The following JADE1 variants were observed in gnomAD, a reference collection of about 807,000 sequenced individuals.
JADE1 encodes protein Jade-1.
A neutral mutation model predicts 81.8 loss-of-function variants in JADE1; 14 were observed. That is an observed-to-expected ratio of 0.17 (90% CI 0.11 to 0.27). The LOEUF (loss-of-function observed/expected upper bound fraction) is 0.27, where lower values mean the gene tolerates loss of function less well. Ranked by LOEUF, JADE1 falls within the 10% of genes least tolerant of loss-of-function variation. The pLI is 1.00. For missense variants in JADE1, 690 were observed against 1,047.9 expected, an observed-to-expected ratio of 0.66 and a Z score of 4.71; for synonymous variants, 353 against 391.9, an observed-to-expected ratio of 0.90 and a Z score of 1.17.
chr4:128,851,020 T>G (rs1020629040), intron 5 of JADE1, among the ~76,000 whole-genome samples: 1 of 152,138 alleles, frequency 6.6e-6, no homozygotes, highest in African/African-American at 2.4e-5. Flanking sequence ...AACCTCTACC[T>G]CCTGAGTTCA....
intron 2 of JADE1, among the ~76,000 whole-genome samples, chr4:128,840,504 C>T (rs1729342212): frequency 6.6e-6 from 1 of 152,194 alleles, no homozygotes; most frequent in African/African-American, 2.4e-5. Flanking sequence ...CTTCCCCAGA[C>T]CTTCTGATAA....
At chr4:128,862,738 CTT>C in intron 9 of JADE1, 1 of 1,004,050 alleles carries the variant, frequency 1.0e-6, no homozygotes, top group Non-Finnish European at 1.2e-6. Context: ...CTGGCCCCCA[CTT>C]TGTTTCTTGG....
At chr4:128,856,400 G>A (rs1326248099) in intron 7 of JADE1, among the ~76,000 whole-genome samples, 3 of 152,112 alleles carry the variant, frequency 2.0e-5, no homozygotes, top group African/African-American at 7.2e-5. Flanking sequence ...TTCCCATCGC[G>A]ACTCTCACTC....
At chr4:128,825,752 T>C (rs749044599) in intron 1 of JADE1, among the ~76,000 whole-genome samples, 29 of 152,232 alleles carry the variant, frequency 1.9e-4, no homozygotes, top group Non-Finnish European at 2.9e-5. Context: ...CCTCAAATTA[T>C]TATGTTAGCT....
intron 1 of JADE1, among the ~76,000 whole-genome samples, chr4:128,811,689 A>T (rs1275924726): frequency 6.9e-6 from 1 of 145,872 alleles, no homozygotes; most frequent in African/African-American, 2.5e-5. Flanking sequence ...CGCCCCGCAC[A>T]AAGCCCGCGG....
chr4:128,846,289 C>A lies in JADE1; in HGVS notation c.139-86C>A. On this transcript the variant is annotated intron_variant, in intron 3 of 10. Transcript: ENST00000226319. This position sits in a 1 kb window ranked among gnomAD's most constrained non-coding sequence, Gnocchi z 4.0. ...TTGATACAGTGACCTTGTTACATGG[C>A]AGCTCCATGGTTACATTGCAGCTGC... 2.3e-6 allele frequency: 3 copies of A among 1,319,634 alleles called. No homozygotes were observed. The highest frequency in any genetic ancestry group is 1.4e-5 in the African/African-American group (1 of 69,148). The allele number at this position is 1,319,634 out of a possible 1,614,324, so 81.7% of individuals were successfully genotyped here.
At chr4:128,836,939 G>T (rs1010213792) in intron 2 of JADE1, among the ~76,000 whole-genome samples, 7 of 152,026 alleles carry the variant, frequency 4.6e-5, no homozygotes, top group African/African-American at 1.7e-4. Context: ...TGTTGGTTTT[G>T]GTTGTTCTTA....
chr4:128,826,020 C>T (rs1728029683), intron 1 of JADE1, among the ~76,000 whole-genome samples: 1 of 152,210 alleles, frequency 6.6e-6, no homozygotes, highest in African/African-American at 2.4e-5. Flanking sequence ...AGGCAGTGTT[C>T]TGTTTTTAAT....
intron 3 of JADE1, 54 bp downstream of exon 3, chr4:128,843,092 C>A: frequency 1.4e-6 from 2 of 1,417,866 alleles, no homozygotes; most frequent in South Asian, 1.2e-5. Flanking sequence ...TCCCATATGC[C>A]TAGTTGAGTG....
At chr4:128,861,049 C>T (rs1579226502) in intron 8 of JADE1, among the ~76,000 whole-genome samples, 1 of 152,166 alleles carries the variant, frequency 6.6e-6, no homozygotes, top group Non-Finnish European at 1.5e-5. Context: ...CATTTTCTCA[C>T]TCGTGTTGGG....
At chr4:128,841,891 AGTT>A (rs1264369399) in intron 2 of JADE1, among the ~76,000 whole-genome samples, 1 of 152,078 alleles carries the variant, frequency 6.6e-6, no homozygotes. Context: ...GGCAGGATGG[AGTT>A]GTTGGTGCTG....
rs1365197713 is a variant in JADE1, at chr4:128,872,665, G to GTACC, written c.*404_*407dup. The GTACC allele has an allele frequency of 7.5e-6, 2 of 264,950 alleles. No individual in the cohort carries two copies. Among genetic ancestry groups the GTACC allele is most frequent in the African/African-American group, 4.4e-5 (2 of 45,274 alleles). The allele number at this position is 264,950 out of a possible 1,614,324, so 16.4% of individuals were successfully genotyped here. Reference sequence around the variant, plus strand: ...ATATGGTTCTTGAGAAACCCTCATGGTACCATTCACAGCCCATAAAGTTTA... The same window carrying GTACC: ...ATATGGTTCTTGAGAAACCCTCATGGTACCTACCATTCACAGCCCATAAAGTTTA... On this transcript the variant is annotated 3_prime_UTR_variant, in exon 11 of 11. Transcript: ENST00000226319.
chr4:128,809,809 G>C lies in JADE1; in HGVS notation c.-95G>C, dbSNP rs541186331. ...CCCGGCTCCCCGCCCGCCGCGGCCC[G>C]AACTCATGCAGCTCCGAGCGAGCGA... On this transcript the variant is annotated 5_prime_UTR_variant, in exon 1 of 11. Coordinates refer to ENST00000226319, the MANE Select transcript of JADE1 (RefSeq NM_199320.4). 1 of 151,882 alleles carries C rather than the reference G, an allele frequency of 6.6e-6. No individual in the cohort carries two copies. Among genetic ancestry groups the C allele is most frequent in the African/African-American group, 2.4e-5 (1 of 41,442 alleles). The allele number at this position is 151,882 out of a possible 1,614,324, so 9.4% of individuals were successfully genotyped here.
intron 8 of JADE1, among the ~76,000 whole-genome samples, chr4:128,858,474 G>A (rs553847682): frequency 2.2e-4 from 34 of 152,254 alleles, no homozygotes; most frequent in Non-Finnish European, 4.4e-4. Context: ...TCTCAAAGCA[G>A]CTCAGCACAG....
At chr4:128,863,859 CAAG>C in intron 9 of JADE1, 5 of 985,430 alleles carry the variant, frequency 5.1e-6, no homozygotes, top group Non-Finnish European at 6.0e-6. Flanking sequence ...AGGGGGAGGA[CAAG>C]AAGTCTATTG....
intron 2 of JADE1, among the ~76,000 whole-genome samples, chr4:128,837,562 C>T (rs760917314): frequency 3.3e-5 from 5 of 152,230 alleles, no homozygotes; most frequent in South Asian, 2.1e-4. Flanking sequence ...TCTGTCATGC[C>T]GCTAAAACAA....
At chr4:128,818,795 ATGTGAAAATCACTCT>A in intron 1 of JADE1, among the ~76,000 whole-genome samples, 1 of 152,348 alleles carries the variant, frequency 6.6e-6, no homozygotes, top group South Asian at 2.1e-4. Flanking sequence ...CCATTTCAAT[ATGTGAAAATCACTCT>A]TAGCTCAAAA....
Position 128,873,687 on chromosome 4 carries a change from C to A in JADE1, c.*1425C>A, listed in dbSNP as rs1410930305. On this transcript the variant is annotated 3_prime_UTR_variant, in exon 11 of 11. Transcript: ENST00000226319. ...TAGCAATGAGATACAGAATTATGGG[C>A]CTTTGGAACAAGCCCGACTTCCCCT... The A allele has an allele frequency of 6.6e-6, 1 of 152,236 alleles. No individual in the cohort carries two copies. The highest frequency in any genetic ancestry group is 1.5e-5 in the Non-Finnish European group (1 of 68,030). The allele number at this position is 152,236 out of a possible 1,614,324, so 9.4% of individuals were successfully genotyped here. A position where few individuals can be genotyped will look rare whatever the true frequency, so the allele number is the denominator to read the frequency against.
intron 2 of JADE1, among the ~76,000 whole-genome samples, chr4:128,835,786 T>C (rs146766620): frequency 0.013 from 1,924 of 152,346 alleles, 49 homozygotes; most frequent in African/African-American, 0.044. Flanking sequence ...CAGCCATGGC[T>C]GGGACTTGCT....
Sources: allele counts gnomAD v4.1 joint callset (sites outside exome capture counted in the v4.1 genomes callset), GRCh38; gene constraint gnomAD v4.1.1; non-coding constraint Gnocchi (gnomAD v3.1); transcripts MANE v1.5; gene names NCBI Gene and HGNC (gene_info 2026-07-23, HGNC 2026-07-21).